Variants in RNF175 observed in about 807,000 individuals in gnomAD.
RNF175 encodes ring finger protein 175.
Under a neutral mutation model 50.0 loss-of-function variants are expected in RNF175, and 38 were observed. The ratio of observed to expected loss-of-function variants is 0.76; its 90% CI spans 0.59 to 1.00. RNF175 has a LOEUF of 1.00. Among genes scored for constraint, RNF175 ranks in the 50% least tolerant of loss-of-function variants. The pLI is 0.00. For missense variants in RNF175, 388 were observed against 409.6 expected, an observed-to-expected ratio of 0.95 and a Z score of 0.46; for synonymous variants, 155 against 146.1, an observed-to-expected ratio of 1.06 and a Z score of -0.44.
In RNF175 at chr4:153,748,704, G is replaced by T; in HGVS notation, c.187C>A (p.Leu63Met). The change falls in exon 3 of 9, where the codon CTG (leucine) becomes ATG (methionine). Residue 63 changes from leucine (L) to methionine (M), a missense_variant. Coordinates refer to ENST00000347063, the MANE Select transcript of RNF175 (RefSeq NM_173662.4). Reference sequence around the variant, plus strand: ...ACCAGCACTATCTGGGCAATGACCAGAACGCAGAGGAAGATCAAGATCATT... The same window carrying T: ...ACCAGCACTATCTGGGCAATGACCATAACGCAGAGGAAGATCAAGATCATT... Reference protein sequence around the residue: ...VEMILIFLCVLVIAQIVLVQW... With the variant: ...VEMILIFLCVMVIAQIVLVQW... The T allele has an allele frequency of 6.2e-7, 1 of 1,607,940 alleles. No homozygotes were observed. The highest frequency in any genetic ancestry group is 8.5e-7 in the Non-Finnish European group (1 of 1,177,282).
chr4:153,723,237 C>T lies in RNF175; in HGVS notation c.509+114G>A, dbSNP rs1041327965. On this transcript the variant is annotated intron_variant, in intron 5 of 8. Coordinates refer to ENST00000347063, the MANE Select transcript of RNF175 (RefSeq NM_173662.4). ...CTACGTGTGGATATCTACTATAAAA[C>T]ATGTGTGCATGGAAAATTGTAGGGC... is the stretch of plus-strand genomic sequence containing the variant. The T allele has an allele frequency of 3.6e-4, 214 of 591,754 alleles. 1 individual carries two copies. The highest frequency in any genetic ancestry group is 1.0e-4 in the Non-Finnish European group (33 of 321,674). 36.7% of individuals were successfully genotyped at this position (591,754 alleles called of 1,614,324 possible).
chr4:153,742,130 T>C (rs1256894836), intron 3 of RNF175, among the ~76,000 whole-genome samples: 1 of 151,836 alleles, frequency 6.6e-6, no homozygotes, highest in East Asian at 1.9e-4. Context: ...AAAAATTAGC[T>C]AGGAGCAGTG....
At chr4:153,741,987 A>G (rs1020570486) in intron 3 of RNF175, among the ~76,000 whole-genome samples, 5 of 152,158 alleles carry the variant, frequency 3.3e-5, no homozygotes, top group African/African-American at 1.2e-4. Context: ...ATGAGACTGA[A>G]TAGCTGGGCA....
chr4:153,711,398 G>C (rs1737567572), intron 8 of RNF175, among the ~76,000 whole-genome samples: 1 of 151,650 alleles, frequency 6.6e-6, no homozygotes, highest in Non-Finnish European at 1.5e-5. Flanking sequence ...CAATGGTATG[G>C]GCCTTGAGAC....
At chr4:153,739,483 ATTCT>A (rs1383763487) in intron 3 of RNF175, among the ~76,000 whole-genome samples, 4 of 152,178 alleles carry the variant, frequency 2.6e-5, no homozygotes, top group Non-Finnish European at 5.9e-5. Context: ...TTTCTCTGAC[ATTCT>A]TTCTTTCTTT....
chr4:153,728,587 C>T (rs748247054), intron 3 of RNF175, among the ~76,000 whole-genome samples: 3 of 152,160 alleles, frequency 2.0e-5, no homozygotes, highest in South Asian at 2.1e-4. Flanking sequence ...CCAAAATACC[C>T]GCCCTCTGTC....
intron 3 of RNF175, among the ~76,000 whole-genome samples, chr4:153,736,398 T>A (rs369367969): frequency 6.6e-6 from 1 of 152,240 alleles, no homozygotes; most frequent in African/African-American, 2.4e-5. Context: ...ATTTATGTTT[T>A]TGAGAGATTT....
chr4:153,728,051 G>A lies in RNF175; in HGVS notation c.401+156C>T, dbSNP rs377623716. ...ATAATGAAGGCAAACTAAGACCAGT[G>A]TAGCTAATTTCTCAATTGTTTTGCT... On this transcript the variant is annotated intron_variant, in intron 4 of 8. Transcript: ENST00000347063. Among the ~76,000 whole-genome samples the A allele has an allele frequency of 4.9e-4, 75 of 152,266 alleles. 1 individual carries two copies. The highest frequency in any genetic ancestry group is 1.6e-3 in the African/African-American group (66 of 41,546).
At position 153,715,592 on chromosome 4, in the gene RNF175, ATCT is replaced by A. The variant is rs780947754; in HGVS notation, c.698_700del (p.Lys233del). ...CCCTTCTTCATCAAGCTCCACAATG[ATCT>A]TCTGCCCACAGACTGCACAGATATT... On this transcript the variant is annotated inframe_deletion, in exon 7 of 9. Transcript: ENST00000347063. 2.5e-6 allele frequency: 4 copies of A among 1,613,700 alleles called. No individual in the cohort carries two copies. Among genetic ancestry groups the A allele is most frequent in the African/African-American group, 1.3e-5 (1 of 75,030 alleles).
At chr4:153,747,246 C>A (rs868311193) in intron 3 of RNF175, among the ~76,000 whole-genome samples, 1 of 152,202 alleles carries the variant, frequency 6.6e-6, no homozygotes, top group South Asian at 2.1e-4. Context: ...TTATTCTTTA[C>A]GTAGCCAGGC....
At chr4:153,719,351 A>G (rs973856327) in intron 6 of RNF175, among the ~76,000 whole-genome samples, 5 of 152,142 alleles carry the variant, frequency 3.3e-5, no homozygotes, top group African/African-American at 7.2e-5. Flanking sequence ...TTTCCAGTCT[A>G]TCATTGATGG....
chr4:153,741,065 G>T (rs1739630237), intron 3 of RNF175, among the ~76,000 whole-genome samples: 1 of 152,196 alleles, frequency 6.6e-6, no homozygotes, highest in Non-Finnish European at 1.5e-5. Context: ...CTGTTGATGT[G>T]GTGGCAGGGC....
At position 153,752,863 on chromosome 4, in the gene RNF175, C is replaced by T. The variant is rs188259229; in HGVS notation, c.67-1388G>A. ...GCAAAGTACATGAATGAGAAATTCACGAATTGAGATATACAAATGACAAAT... is the reference window on the plus strand; with the variant it reads ...GCAAAGTACATGAATGAGAAATTCATGAATTGAGATATACAAATGACAAAT... On this transcript the variant is annotated intron_variant, in intron 1 of 8. Transcript: ENST00000347063. 4.6e-5 allele frequency among the ~76,000 whole-genome samples: 7 copies of T among 151,884 alleles called. No homozygotes were observed. The South Asian group carries it at 1.0e-3, about 23-fold the overall frequency.
At chr4:153,715,979 G>C (rs1170130478) in intron 6 of RNF175, among the ~76,000 whole-genome samples, 1 of 149,804 alleles carries the variant, frequency 6.7e-6, no homozygotes, top group Admixed American at 6.8e-5. Flanking sequence ...CAGGAGAATC[G>C]GTTGAACCCG....
At chr4:153,711,615 G>C (rs1007788674) in intron 8 of RNF175, among the ~76,000 whole-genome samples, 6 of 152,202 alleles carry the variant, frequency 3.9e-5, no homozygotes, top group African/African-American at 7.2e-5. Flanking sequence ...GTACAGAAAG[G>C]CTGTCTCTTA....
At chr4:153,732,869 T>A (rs1348171203) in intron 3 of RNF175, among the ~76,000 whole-genome samples, 1 of 152,216 alleles carries the variant, frequency 6.6e-6, no homozygotes, top group African/African-American at 2.4e-5. Context: ...AGGGAAAAAT[T>A]CAAATACCCG....
At chr4:153,735,801 T>C (rs1200489710) in intron 3 of RNF175, among the ~76,000 whole-genome samples, 1 of 152,214 alleles carries the variant, frequency 6.6e-6, no homozygotes, top group African/African-American at 2.4e-5. Context: ...ATTCTAATGG[T>C]TCATTACTGG....
chr4:153,759,187 G>A (rs543090132), intron 1 of RNF175, among the ~76,000 whole-genome samples: 2 of 152,188 alleles, frequency 1.3e-5, no homozygotes, highest in Non-Finnish European at 2.9e-5. Flanking sequence ...GATTGGGTTT[G>A]CAATTGACGC....
chr4:153,755,246 C>T (rs569696636), intron 1 of RNF175, among the ~76,000 whole-genome samples: 7 of 152,250 alleles, frequency 4.6e-5, no homozygotes, highest in Admixed American at 3.3e-4. Flanking sequence ...CAATTTAAGC[C>T]AAGAGAAAAG....
Sources: gnomAD v4.1 joint callset for allele counts (sites outside exome capture counted in the v4.1 genomes callset) on GRCh38, gnomAD v4.1.1 for gene constraint, MANE v1.5 for transcripts, NCBI Gene and HGNC (gene_info 2026-07-23, HGNC 2026-07-21) for gene names.